The following BRPF1 variants were observed in gnomAD, a reference collection of about 807,000 sequenced individuals.
The protein encoded by BRPF1 is bromodomain and PHD finger containing 1, also known as peregrin.
Under a neutral mutation model 115.0 loss-of-function variants are expected in BRPF1, and 15 were observed. The observed-to-expected ratio is 0.13, with a 90% CI of 0.09 to 0.20. BRPF1 has a LOEUF of 0.20. Among genes scored for constraint, BRPF1 ranks in the 10% least tolerant of loss-of-function variants. The pLI is 1.00. For synonymous variants in BRPF1, 647 were observed against 619.8 expected, an observed-to-expected ratio of 1.04 and a Z score of -0.65; for missense variants, 1,118 against 1,638.3, an observed-to-expected ratio of 0.68 and a Z score of 5.48.
At chr3:9,738,333 G>A (rs1425986924) in intron 2 of BRPF1, among the ~76,000 whole-genome samples, 1 of 152,232 alleles carries the variant, frequency 6.6e-6, no homozygotes, top group Non-Finnish European at 1.5e-5. Context: ...CTCTATGGCT[G>A]TGGTAAGAAT....
chr3:9,737,033 T>C (rs2076953920), intron 2 of BRPF1, among the ~76,000 whole-genome samples: 1 of 152,194 alleles, frequency 6.6e-6, no homozygotes. Context: ...TGAAGAGAGC[T>C]GGTGCCAAGG....
chr3:9,733,419 C>T (rs1445255330), intron 1 of BRPF1: 1 of 152,232 alleles, frequency 6.6e-6, no homozygotes, highest in East Asian at 1.9e-4. Flanking sequence ...ATGCTAGGTA[C>T]TGGGGATACA....
Position 9,745,763 on chromosome 3 carries a change from G to A in BRPF1, c.3206-49G>A, listed in dbSNP as rs779005594. Reference sequence around the variant, plus strand: ...GCTGGGGACCCAGTGTCAGGGTCTCGCCAGCCCCCCAGCTGCTGATCCACC... The same window carrying A: ...GCTGGGGACCCAGTGTCAGGGTCTCACCAGCCCCCCAGCTGCTGATCCACC... On this transcript the variant is annotated intron_variant, in intron 11 of 13. Coordinates refer to ENST00000383829, the MANE Select transcript of BRPF1 (RefSeq NM_001003694.2). The surrounding 1 kb of genome is among the most constrained non-coding windows in gnomAD (Gnocchi z 5.1). 6.2e-5 allele frequency: 100 copies of A among 1,610,434 alleles called. No homozygotes were observed. Among genetic ancestry groups the A allele is most frequent in the Admixed American group, 1.3e-4 (8 of 59,924 alleles).
chr3:9,740,740 G>T, intron 3 of BRPF1, 39 bp from the exon 4 acceptor site: 2 of 1,608,082 alleles, frequency 1.2e-6, no homozygotes, highest in Non-Finnish European at 1.7e-6. Context: ...AAGAGAATCA[G>T]GGCCCAACAA....
rs1336297095 is a variant in BRPF1 at position 9,747,387 on chromosome 3, C to T, written c.*38C>T. The T allele has an allele frequency of 6.3e-7, 1 of 1,598,606 alleles. No individual in the cohort carries two copies. The highest frequency in any genetic ancestry group is 1.7e-5 in the Admixed American group (1 of 59,730). On this transcript the variant is annotated 3_prime_UTR_variant, in exon 14 of 14. Coordinates refer to ENST00000383829, the MANE Select transcript of BRPF1 (RefSeq NM_001003694.2). This position sits in a 1 kb window ranked among gnomAD's most constrained non-coding sequence, Gnocchi z 5.6. ...CAGCCCAACCTATAGTGCCCTGTGA[C>T]TTCTCTCCTCCCCTTTGCTCACTGT...
Position 9,731,814 on chromosome 3 carries a change from G to C in BRPF1, c.-335G>C, listed in dbSNP as rs969925559. The C allele has an allele frequency of 6.4e-6, 1 of 155,398 alleles. No individual in the cohort carries two copies. The highest frequency in any genetic ancestry group is 1.4e-5 in the Non-Finnish European group (1 of 70,002). The allele number at this position is 155,398 out of a possible 1,614,324, so 9.6% of individuals were successfully genotyped here. On this transcript the variant is annotated 5_prime_UTR_variant, in exon 1 of 14. Coordinates refer to ENST00000383829, the MANE Select transcript of BRPF1 (RefSeq NM_001003694.2). ...TGCCGCCACGGTCTCCGCCGCCGCT[G>C]TCCTCGCGCTGCCTCTGGGAGCCTC...
chr3:9,741,368 C>T lies in BRPF1; in HGVS notation c.1783C>T (p.Arg595Trp). The stretch of plus-strand genomic sequence containing the variant: ...ACAGCTCAAGTCCTGGCAGCGGCTC[C>T]GGCATGACTTGGAGCGAGCTCGGCT... Reference protein sequence around the residue: ...KEQLKSWQRLRHDLERARLLV... With the variant: ...KEQLKSWQRLWHDLERARLLV... Residue 595 changes from arginine to tryptophan, a missense_variant, in exon 5 of 14, where the codon CGG becomes TGG. Around this residue, in one of 10 missense-constraint regions of BRPF1, gnomAD observed 178 missense variants for 303.7 expected, o/e 0.59. Coordinates refer to ENST00000383829, the MANE Select transcript of BRPF1 (RefSeq NM_001003694.2). The T allele has an allele frequency of 6.2e-7, 1 of 1,609,246 alleles. No individual in the cohort carries two copies. The highest frequency in any genetic ancestry group is 8.5e-7 in the Non-Finnish European group (1 of 1,176,586).
intron 2 of BRPF1, among the ~76,000 whole-genome samples, chr3:9,736,080 C>T (rs1575149975): frequency 8.0e-6 from 1 of 125,088 alleles, no homozygotes; most frequent in Admixed American, 1.0e-4. Context: ...GGCGTGATCT[C>T]GGCTCACTGC....
Position 9,739,119 on chromosome 3 carries a change from C to T in BRPF1, c.720C>T (p.Ile240=), listed in dbSNP as rs1376010288. 1.2e-6 allele frequency: 2 copies of T among 1,613,900 alleles called. No individual in the cohort carries two copies. Among genetic ancestry groups the T allele is most frequent in the Non-Finnish European group, 1.7e-6 (2 of 1,179,976 alleles). The change falls in exon 3 of 14, where the codon ATC becomes ATT. Residue 240 remains isoleucine (I), a synonymous_variant. Transcript: ENST00000383829. The stretch of plus-strand genomic sequence containing the variant: ...GGAAGACAGAGGGTGTAAGTCCCAT[C>T]CCGCAGGAGATCTTTGAGTACCTAA... ...ERRKTEGVSP[I]PQEIFEYLMD...
At chr3:9,744,857 A>G in intron 9 of BRPF1, 151 bp from the exon 10 acceptor site, 1 of 1,032,328 alleles carries the variant, frequency 9.7e-7, no homozygotes, top group East Asian at 2.4e-5. Context: ...TGTGGTAGAC[A>G]CTGCCCAGAG....
At chr3:9,744,723 C>T (rs2077093226) in intron 9 of BRPF1, among the ~76,000 whole-genome samples, 1 of 152,242 alleles carries the variant, frequency 6.6e-6, no homozygotes, top group African/African-American at 2.4e-5. Flanking sequence ...CCCCTGCCTC[C>T]ATTGTATCAC....
chr3:9,736,000 C>G (rs1339435936), intron 2 of BRPF1, among the ~76,000 whole-genome samples: 2 of 148,276 alleles, frequency 1.3e-5, no homozygotes. Context: ...GATGTTAAAC[C>G]TCCATTTTTT....
At chr3:9,742,825 G>A in intron 6 of BRPF1, 119 bp from the exon 7 acceptor site, 4 of 1,103,850 alleles carry the variant, frequency 3.6e-6, no homozygotes, top group Non-Finnish European at 3.9e-6. Context: ...CTATATGCCT[G>A]CCTCTAACTG....
At position 9,745,047 on chromosome 3, in the gene BRPF1, T is replaced by C. The variant is rs774426483; in HGVS notation, c.2960T>C (p.Val987Ala). The C allele has an allele frequency of 6.2e-7, 1 of 1,614,226 alleles. No homozygotes were observed. Reference sequence around the variant, plus strand: ...GGCTTCAGCGGTGGAAACCAACCAGTGAAGAAGAGTTTCTTGGTATACCGT... The same window carrying C: ...GGCTTCAGCGGTGGAAACCAACCAGCGAAGAAGAGTTTCTTGGTATACCGT... ...ANGFSGGNQPVKKSFLVYRND... is the reference protein window; with the variant it reads ...ANGFSGGNQPAKKSFLVYRND... Residue 987 changes from valine to alanine, a missense_variant, in exon 10 of 14, where the codon GTG (valine) becomes GCG (alanine). Physicochemically the swap from Val to Ala is moderately conservative, Grantham distance 64. This residue lies in a region of BRPF1 where 15 missense variants were observed against 43.7 expected (regional missense o/e 0.34). Transcript: ENST00000383829. The surrounding 1 kb of genome is among the most constrained non-coding windows in gnomAD (Gnocchi z 5.1).
chr3:9,734,324 A>G lies in BRPF1; in HGVS notation c.184A>G (p.Lys62Glu). Residue 62 changes from lysine (K) to glutamate (E), a missense_variant, in exon 2 of 14, where the codon AAG (lysine) becomes GAG (glutamate). Lys to Glu is a moderately conservative substitution (Grantham distance 56, BLOSUM62 1). Coordinates refer to ENST00000383829, the MANE Select transcript of BRPF1 (RefSeq NM_001003694.2). The surrounding 1 kb of genome is among the most constrained non-coding windows in gnomAD (Gnocchi z 5.7). ...ACAACAAACTCCACTCCGCAAGCAC[A>G]AGAAAAAGGGGCGCCAGTCACGCCC... ...PPQQTPLRKHKKKGRQSRPAN... is the reference protein window; with the variant it reads ...PPQQTPLRKHEKKGRQSRPAN... 1 of 1,614,094 alleles carries G rather than the reference A, an allele frequency of 6.2e-7. No individual in the cohort carries two copies. The highest frequency in any genetic ancestry group is 8.5e-7 in the Non-Finnish European group (1 of 1,180,022).
At chr3:9,742,837 G>A in intron 6 of BRPF1, 107 bp from the exon 7 acceptor site, 1 of 1,209,670 alleles carries the variant, frequency 8.3e-7, no homozygotes, top group East Asian at 2.4e-5. Context: ...CTCTAACTGT[G>A]GTGGGAGGAG....
chr3:9,744,934 T>C, intron 9 of BRPF1, 74 bp from the exon 10 acceptor site: 1 of 1,599,766 alleles, frequency 6.3e-7, no homozygotes, highest in African/African-American at 1.3e-5. Context: ...TCCAAGTCCC[T>C]CTTACCTCCA....
Position 9,745,456 on chromosome 3 carries a change from T to G in BRPF1, c.3069-117T>G. The G allele has an allele frequency of 1.3e-5, 16 of 1,236,666 alleles. No homozygotes were observed. The highest frequency in any genetic ancestry group is 1.8e-5 in the Non-Finnish European group (16 of 866,822). The allele number at this position is 1,236,666 out of a possible 1,614,324, so 76.6% of individuals were successfully genotyped here. On this transcript the variant is annotated intron_variant, in intron 10 of 13. Transcript: ENST00000383829. The surrounding 1 kb of genome is among the most constrained non-coding windows in gnomAD (Gnocchi z 5.1). ...GTGTTTGAATTTGAAATTCCTCATA[T>G]AGCCTCTGCTTTCCAAAAGTCTCAG...
chr3:9,739,024 C>G lies in BRPF1; in HGVS notation c.625C>G (p.Leu209Val), dbSNP rs2076987048. 8.8e-6 allele frequency: 14 copies of G among 1,584,362 alleles called. No homozygotes were observed. The highest frequency in any genetic ancestry group is 1.1e-5 in the Non-Finnish European group (13 of 1,162,524). The stretch of plus-strand genomic sequence containing the variant: ...GTACATCGAGAAGTCTGCAGAGGAG[C>G]TGGACGAGGAAGTAGAGTATGACAT... The part of the protein sequence containing the change: ...YRYIEKSAEE[L>V]DEEVEYDMDE... Residue 209 changes from leucine (L) to valine (V), a missense_variant, in exon 3 of 14, where the codon CTG (leucine) becomes GTG (valine). This residue lies in a region of BRPF1 where 280 missense variants were observed against 382.8 expected (regional missense o/e 0.73). Coordinates refer to ENST00000383829, the MANE Select transcript of BRPF1 (RefSeq NM_001003694.2).
Sources: gnomAD v4.1 joint callset for allele counts (sites outside exome capture counted in the v4.1 genomes callset) on GRCh38, gnomAD v4.1.1 for gene constraint, gnomAD v4.1.1 regional missense constraint, Gnocchi (gnomAD v3.1) non-coding constraint, MANE v1.5 for transcripts, NCBI Gene and HGNC (gene_info 2026-07-23, HGNC 2026-07-21) for gene names.